The following UBXN2A variants were observed in gnomAD, a reference collection of about 807,000 sequenced individuals.
UBXN2A encodes UBX domain-containing protein 2A.
A neutral mutation model predicts 28.4 loss-of-function variants in UBXN2A; 28 were observed. The ratio of observed to expected loss-of-function variants is 0.99; its 90% CI spans 0.73 to 1.35. The LOEUF (loss-of-function observed/expected upper bound fraction) is 1.35, where lower values mean the gene tolerates loss of function less well. UBXN2A is among the 40% of genes most tolerant of loss of function. UBXN2A has a pLI of 0.00. For synonymous variants in UBXN2A, 97 were observed against 103.6 expected (o/e 0.94, Z 0.39); for missense variants, 253 against 297.9 (o/e 0.85, Z 1.11).
Position 23,963,070 on chromosome 2 carries a change from C to T in UBXN2A, c.41+4715C>T, listed in dbSNP as rs574284793. Reference sequence around the variant, plus strand: ...TCCTCTTTTTAAAACTATCACGTCTCGTGAGACTTATTTATTATCATGAGA... The same window carrying T: ...TCCTCTTTTTAAAACTATCACGTCTTGTGAGACTTATTTATTATCATGAGA... On this transcript the variant is annotated intron_variant, in intron 2 of 6. Coordinates refer to ENST00000309033, the MANE Select transcript of UBXN2A (RefSeq NM_181713.4). 1.4e-3 allele frequency among the ~76,000 whole-genome samples: 214 copies of T among 152,284 alleles called. 1 individual carries two copies. The highest frequency in any genetic ancestry group is 2.4e-3 in the Non-Finnish European group (165 of 68,026).
rs552251760 is a variant in UBXN2A at position 23,995,671 on chromosome 2, C to T, written c.585-4001C>T. ...TCACGCCACTGCACTCCAGCCTGGG[C>T]GACAGAGCAAGACTCTGTCTCAAAA... On this transcript the variant is annotated intron_variant, in intron 6 of 6. Transcript: ENST00000309033. 3.6e-3 allele frequency among the ~76,000 whole-genome samples: 507 copies of T among 139,386 alleles called. 3 individuals are homozygous for T. The highest frequency in any genetic ancestry group is 6.3e-3 in the Non-Finnish European group (415 of 65,776). The allele number at this position is 139,386 out of a possible 152,430, so 91.4% of individuals were successfully genotyped here.
intron 1 of UBXN2A, among the ~76,000 whole-genome samples, chr2:23,928,611 C>T (rs1305349198): frequency 1.3e-5 from 2 of 151,908 alleles, no homozygotes; most frequent in Non-Finnish European, 2.9e-5. Flanking sequence ...GTACATTAGA[C>T]ATAGCCTACT....
chr2:23,979,359 C>G (rs1707804380), intron 4 of UBXN2A, among the ~76,000 whole-genome samples: 1 of 151,810 alleles, frequency 6.6e-6, no homozygotes, highest in Non-Finnish European at 1.5e-5. Flanking sequence ...AAAAAAAGAA[C>G]TTAAAAATCA....
intron 1 of UBXN2A, among the ~76,000 whole-genome samples, chr2:23,942,703 G>C (rs1038115422): frequency 6.6e-6 from 1 of 151,902 alleles, no homozygotes; most frequent in Non-Finnish European, 1.5e-5. Context: ...ACAGACGTGA[G>C]CCACCGTGCC....
Position 23,982,953 on chromosome 2 carries a change from T to C in UBXN2A, c.345T>C (p.Val115=). 6.2e-7 allele frequency: 1 copy of C among 1,611,448 alleles called. No homozygotes were observed. The highest frequency in any genetic ancestry group is 8.5e-7 in the Non-Finnish European group (1 of 1,178,556). Reference sequence around the variant, plus strand: ...ATAAAGAAGAGGTGGACGTTAAAGTTGAAGACAAGAAAAATGAAATATGTT... The same window carrying C: ...ATAAAGAAGAGGTGGACGTTAAAGTCGAAGACAAGAAAAATGAAATATGTT... ...IFDKEEVDVK[V]EDKKNEICLS... is the part of the protein sequence containing the mutation. Residue 115 remains valine, a synonymous_variant, in exon 5 of 7, where the codon GTT becomes GTC. Coordinates refer to ENST00000309033, the MANE Select transcript of UBXN2A (RefSeq NM_181713.4).
upstream of UBXN2A, among the ~76,000 whole-genome samples, chr2:23,938,321 C>G (rs1037271801): frequency 6.6e-6 from 1 of 152,032 alleles, no homozygotes; most frequent in Non-Finnish European, 1.5e-5. Flanking sequence ...CAAAAATTAG[C>G]TGGGCATGGT....
In UBXN2A at chr2:23,971,281, G is replaced by A. The variant is rs373436535; in HGVS notation, c.47G>A (p.Cys16Tyr). Residue 16 changes from cysteine to tyrosine, a missense_variant, in exon 3 of 7, where the codon TGT (cysteine) becomes TAT (tyrosine). Physicochemically the swap from Cys to Tyr is radical, Grantham distance 194. Transcript: ENST00000309033. The part of the protein sequence containing the change: ...NLKSIKEEWV[C>Y]ETGSDNQPLG... ...TTTTTCTTTATCTTGTTTAGGGTTTGTGAAACAGGATCTGATAATCAACCT... is the reference window on the plus strand; with the variant it reads ...TTTTTCTTTATCTTGTTTAGGGTTTATGAAACAGGATCTGATAATCAACCT... The A allele has an allele frequency of 1.3e-6, 2 of 1,554,300 alleles. No homozygotes were observed. Among genetic ancestry groups the A allele is most frequent in the Non-Finnish European group, 8.8e-7 (1 of 1,140,176 alleles).
chr2:23,953,920 T>C (rs1290144581), intron 1 of UBXN2A, among the ~76,000 whole-genome samples: 1 of 152,226 alleles, frequency 6.6e-6, no homozygotes, highest in Non-Finnish European at 1.5e-5. Flanking sequence ...TTTTTTTGTC[T>C]GGTTGTCTCT....
At chr2:23,962,341 A>C (rs771946498) in intron 2 of UBXN2A, among the ~76,000 whole-genome samples, 6 of 152,318 alleles carry the variant, frequency 3.9e-5, no homozygotes, top group Non-Finnish European at 7.4e-5. Flanking sequence ...CTGCTGCCCA[A>C]ATAGTTGTTT....
chr2:23,935,180 A>T (rs557305886), intron 1 of UBXN2A, among the ~76,000 whole-genome samples: 1 of 152,320 alleles, frequency 6.6e-6, no homozygotes, highest in Admixed American at 6.5e-5. Context: ...ATTTGGCAAT[A>T]GTTTCTTGGA....
intron 1 of UBXN2A, among the ~76,000 whole-genome samples, chr2:23,950,624 G>A (rs1172246484): frequency 2.0e-5 from 3 of 151,920 alleles, no homozygotes; most frequent in Non-Finnish European, 2.9e-5. Context: ...GGTTGGTCTC[G>A]AACTCCTGAC....
At chr2:23,960,266 A>AG (rs925296353) in intron 2 of UBXN2A, among the ~76,000 whole-genome samples, 1 of 151,962 alleles carries the variant, frequency 6.6e-6, no homozygotes, top group African/African-American at 2.4e-5. Context: ...AAAAAAAAAC[A>AG]AAAAAACAGA....
chr2:23,981,298 C>G, intron 4 of UBXN2A, among the ~76,000 whole-genome samples: 1 of 121,838 alleles, frequency 8.2e-6, no homozygotes, highest in Non-Finnish European at 1.7e-5. Flanking sequence ...GAGAACCTGT[C>G]TCTACAAAAA....
At chr2:23,958,262 C>T in intron 1 of UBXN2A, 39 bp from the exon 2 acceptor site, 7 of 1,541,066 alleles carry the variant, frequency 4.5e-6, no homozygotes, top group Non-Finnish European at 6.1e-6. Flanking sequence ...AAGCTTTTTA[C>T]TTACTTTCTT....
intron 4 of UBXN2A, among the ~76,000 whole-genome samples, chr2:23,978,169 G>C (rs1707751409): frequency 6.6e-6 from 1 of 152,042 alleles, no homozygotes; most frequent in Non-Finnish European, 1.5e-5. Flanking sequence ...CTTGAATTCT[G>C]ATCAACCCAA....
At chr2:23,991,578 C>T (rs1386350799) in intron 6 of UBXN2A, among the ~76,000 whole-genome samples, 3 of 151,620 alleles carry the variant, frequency 2.0e-5, no homozygotes. Context: ...AAGCAATTCT[C>T]CCTGCCCCAG....
At chr2:23,993,200 T>G (rs192781878) in intron 6 of UBXN2A, among the ~76,000 whole-genome samples, 1 of 152,332 alleles carries the variant, frequency 6.6e-6, no homozygotes, top group East Asian at 1.9e-4. Flanking sequence ...AAACTAAAGA[T>G]GTAGAAATGG....
intron 1 of UBXN2A, among the ~76,000 whole-genome samples, chr2:23,951,849 A>G (rs542626516): frequency 6.6e-6 from 1 of 152,274 alleles, no homozygotes; most frequent in African/African-American, 2.4e-5. Context: ...TGTATGTTTG[A>G]AATATGTAGA....
At chr2:23,996,158 C>T (rs553103138) in intron 6 of UBXN2A, among the ~76,000 whole-genome samples, 3 of 150,248 alleles carry the variant, frequency 2.0e-5, no homozygotes, top group African/African-American at 7.3e-5. Context: ...CCTCTGTTTC[C>T]TGGGTTCAAG....
Sources: allele counts gnomAD v4.1 joint callset (sites outside exome capture counted in the v4.1 genomes callset), GRCh38; gene constraint gnomAD v4.1.1; transcripts MANE v1.5; gene names NCBI Gene and HGNC (gene_info 2026-07-23, HGNC 2026-07-21).